Variants in AOPEP observed in about 807,000 individuals in gnomAD.
AOPEP encodes aminopeptidase O (putative).
A neutral mutation model predicts 98.1 loss-of-function variants in AOPEP; 77 were observed. The observed-to-expected ratio is 0.78, with a 90% CI of 0.65 to 0.95. The LOEUF (loss-of-function observed/expected upper bound fraction) is 0.95. Among genes scored for constraint, AOPEP ranks in the 40% least tolerant of loss-of-function variants. The pLI is 0.00. For missense variants in AOPEP, 1,024 were observed against 1,024.7 expected (o/e 1.00, Z 0.01); for synonymous variants, 346 against 365.3 (o/e 0.95, Z 0.60).
In AOPEP at chr9:94,757,340, A is replaced by G. The variant is rs147420080; in HGVS notation, c.-135-2309A>G. Among the ~76,000 whole-genome samples, 1,259 of 152,364 alleles carry G rather than the reference A, an allele frequency of 8.3e-3. 12 individuals carry two copies. The highest frequency in any genetic ancestry group is 0.013 in the Non-Finnish European group (858 of 68,026). Reference sequence around the variant, plus strand: ...CTGTGGAGAGTATGCGAAAGAATCCACTAAAGAGAACCAATGGATTGTCAG... The same window carrying G: ...CTGTGGAGAGTATGCGAAAGAATCCGCTAAAGAGAACCAATGGATTGTCAG... On this transcript the variant is annotated intron_variant, in intron 1 of 16. Coordinates refer to ENST00000375315, the MANE Select transcript of AOPEP (RefSeq NM_001193329.3).
At chr9:95,041,833 G>T (rs1401957714) in intron 13 of AOPEP, among the ~76,000 whole-genome samples, 1 of 152,004 alleles carries the variant, frequency 6.6e-6, no homozygotes, top group Non-Finnish European at 1.5e-5. Flanking sequence ...GACCCAGAAG[G>T]CCCGTAGACC....
At chr9:94,973,876 C>A (rs1305591535) in intron 10 of AOPEP, among the ~76,000 whole-genome samples, 1 of 152,218 alleles carries the variant, frequency 6.6e-6, no homozygotes, top group Non-Finnish European at 1.5e-5. Flanking sequence ...ATTTAAGCCA[C>A]ATGACCTCAG....
At position 94,760,194 on chromosome 9, in the gene AOPEP, T is replaced by C. The variant is rs771248825; in HGVS notation, c.411T>C (p.His137=). 2.5e-6 allele frequency: 4 copies of C among 1,614,184 alleles called. No homozygotes were observed. In the East Asian group the frequency reaches 6.7e-5, roughly 27 times the overall value. Residue 137 remains histidine, a synonymous_variant, in exon 2 of 17, where the codon CAT becomes CAC. Coordinates refer to ENST00000375315, the MANE Select transcript of AOPEP (RefSeq NM_001193329.3). The part of the protein sequence containing the change: ...SSKYCCDTGN[H]GSEDFLLVLD... ...AGTACTGCTGTGACACAGGGAATCA[T>C]GGGAGTGAGGATTTTTTGCTAGTGT...
In AOPEP at chr9:94,855,326, C is replaced by G. The variant is rs534364074; in HGVS notation, c.1364+54324C>G. Among the ~76,000 whole-genome samples the G allele has an allele frequency of 8.1e-4, 123 of 152,272 alleles. 1 individual carries two copies. Among genetic ancestry groups the G allele is most frequent in the Non-Finnish European group, 1.6e-3 (109 of 68,026 alleles). On this transcript the variant is annotated intron_variant, in intron 5 of 16. Transcript: ENST00000375315. ...CTCCTGACCTCAGGTTATCTGCCCA[C>G]CTTGGCTTCCCAAATTGCTGGGATT...
Position 94,962,833 on chromosome 9 carries a change from C to T in AOPEP, c.1873-4925C>T, listed in dbSNP as rs545281262. Among the ~76,000 whole-genome samples, 66 of 149,928 alleles carry T rather than the reference C, an allele frequency of 4.4e-4. 1 individual carries two copies. The highest frequency in any genetic ancestry group is 6.8e-3 in the Middle Eastern group (2 of 292). ...CTGCAAGCTCTGCCTTGTGGGTTCA[C>T]GCCATTCTCCCGCCATTCTCCTGCC... is the stretch of plus-strand genomic sequence containing the variant. On this transcript the variant is annotated intron_variant, in intron 9 of 16. Transcript: ENST00000375315.
chr9:95,140,377 TTG>T, the AOPEP span, among the ~76,000 whole-genome samples: 1 of 152,184 alleles, frequency 6.6e-6, no homozygotes. Flanking sequence ...AGTGAGGCAG[TTG>T]TGTTTTCTCA....
In AOPEP at chr9:94,905,973, A is replaced by G. The variant is rs187621003; in HGVS notation, c.1365-18013A>G. Among the ~76,000 whole-genome samples the G allele has an allele frequency of 1.7e-3, 265 of 152,342 alleles. 2 individuals are homozygous for G. The highest frequency in any genetic ancestry group is 6.2e-3 in the African/African-American group (257 of 41,578). The stretch of plus-strand genomic sequence containing the variant: ...TGCAGATCCAAACATGACCTCCAGT[A>G]TCTACTGTGAAAATTTGTGGGAATC... On this transcript the variant is annotated intron_variant, in intron 5 of 16. Coordinates refer to ENST00000375315, the MANE Select transcript of AOPEP (RefSeq NM_001193329.3).
At chr9:95,060,244 T>C (rs2067212188) in intron 13 of AOPEP, among the ~76,000 whole-genome samples, 1 of 152,242 alleles carries the variant, frequency 6.6e-6, no homozygotes, top group Non-Finnish European at 1.5e-5. Flanking sequence ...CAGGTATATT[T>C]GCAGAGCTTA....
At chr9:94,956,925 T>C (rs2058497175) in intron 9 of AOPEP, among the ~76,000 whole-genome samples, 1 of 152,214 alleles carries the variant, frequency 6.6e-6, no homozygotes, top group African/African-American at 2.4e-5. Context: ...CGGATGGCTG[T>C]TCCTCTATGT....
chr9:95,000,703 T>A (rs2061506891), intron 11 of AOPEP, among the ~76,000 whole-genome samples: 1 of 152,142 alleles, frequency 6.6e-6, no homozygotes, highest in South Asian at 2.1e-4. Context: ...AGCAAGACAT[T>A]GTCTCAAAAT....
chr9:94,916,494 G>A (rs2052814611), intron 5 of AOPEP, among the ~76,000 whole-genome samples: 1 of 152,024 alleles, frequency 6.6e-6, no homozygotes, highest in Non-Finnish European at 1.5e-5. Context: ...CATGAGGTCA[G>A]GAATTCAAGA....
At chr9:94,793,330 G>A (rs774834622) in intron 4 of AOPEP, among the ~76,000 whole-genome samples, 4 of 151,888 alleles carry the variant, frequency 2.6e-5, no homozygotes, top group Non-Finnish European at 5.9e-5. Flanking sequence ...CCTGGTGACA[G>A]AGTAAGACTC....
chr9:94,835,805 T>C (rs1000668924), intron 5 of AOPEP, among the ~76,000 whole-genome samples: 1 of 152,208 alleles, frequency 6.6e-6, no homozygotes, highest in Admixed American at 6.5e-5. Context: ...ATTTCTTTAT[T>C]ATGGCTGTTC....
chr9:94,830,868 C>T (rs1372441826), intron 5 of AOPEP, among the ~76,000 whole-genome samples: 1 of 152,120 alleles, frequency 6.6e-6, no homozygotes, highest in Non-Finnish European at 1.5e-5. Context: ...AGTGTCTGTT[C>T]ATGTCCTTCA....
chr9:94,888,334 C>CGTGTGTGTG (rs2048473544), intron 5 of AOPEP, among the ~76,000 whole-genome samples: 2 of 34,466 alleles, frequency 5.8e-5, no homozygotes, highest in Non-Finnish European at 1.6e-4. Flanking sequence ...TGTGTGTGTA[C>CGTGTGTGTG]TTTTTATTTT....
intron 13 of AOPEP, among the ~76,000 whole-genome samples, chr9:95,039,568 G>A (rs1478926409): frequency 6.6e-6 from 1 of 152,094 alleles, no homozygotes; most frequent in Non-Finnish European, 1.5e-5. Context: ...GTGAGACCCT[G>A]TCTCAAAAAC....
At chr9:94,746,856 G>T (rs1212848747) in intron 1 of AOPEP, among the ~76,000 whole-genome samples, 2 of 152,004 alleles carry the variant, frequency 1.3e-5, no homozygotes, top group East Asian at 3.9e-4. Flanking sequence ...TGTTTTCAAT[G>T]TTCACATTTT....
At chr9:95,076,157 C>T (rs771748485) in intron 14 of AOPEP, among the ~76,000 whole-genome samples, 4 of 152,214 alleles carry the variant, frequency 2.6e-5, no homozygotes, top group Non-Finnish European at 5.9e-5. Context: ...AACTAAAGGA[C>T]CTCATGGACA....
At chr9:94,895,717 T>G (rs926361197) in intron 5 of AOPEP, among the ~76,000 whole-genome samples, 4 of 151,852 alleles carry the variant, frequency 2.6e-5, no homozygotes, top group African/African-American at 9.7e-5. Flanking sequence ...GCCTCTGGAG[T>G]AGCTGATTTT....
Sources: allele counts gnomAD v4.1 joint callset (sites outside exome capture counted in the v4.1 genomes callset), GRCh38; gene constraint gnomAD v4.1.1; transcripts MANE v1.5; gene names NCBI Gene and HGNC (gene_info 2026-07-23, HGNC 2026-07-21).